KCNH1: variants seen among roughly 807,000 people sequenced by gnomAD.
The protein encoded by KCNH1 is voltage-gated delayed rectifier potassium channel KCNH1.
KCNH1 carries 27 observed loss-of-function variants against 69.2 expected under a neutral mutation model. That is an observed-to-expected ratio of 0.39 (90% CI 0.29 to 0.54). KCNH1 has a LOEUF of 0.54. Among genes scored for constraint, KCNH1 ranks in the 20% least tolerant of loss-of-function variants. KCNH1 has a pLI of 0.68. For synonymous variants in KCNH1, 456 were observed against 487.7 expected (o/e 0.93, Z 0.86); for missense variants, 798 against 1,261.6 (o/e 0.63, Z 5.57).
chr1:211,084,267 C>T (rs539617386), intron 4 of KCNH1, among the ~76,000 whole-genome samples: 2 of 152,266 alleles, frequency 1.3e-5, no homozygotes, highest in South Asian at 2.1e-4. Flanking sequence ...GCAGGCTCTA[C>T]TTCAGCTTAA....
chr1:210,981,940 A>C (rs926190673), intron 6 of KCNH1, among the ~76,000 whole-genome samples: 2 of 152,128 alleles, frequency 1.3e-5, no homozygotes, highest in Admixed American at 6.6e-5. Flanking sequence ...AGTTTGATGC[A>C]TAGGTTGGGG....
intron 7 of KCNH1, among the ~76,000 whole-genome samples, chr1:210,855,323 C>G (rs776772872): frequency 1.3e-5 from 2 of 152,182 alleles, no homozygotes; most frequent in African/African-American, 2.4e-5. Flanking sequence ...ATGAACCCAG[C>G]CTTTCTTAAA....
intron 7 of KCNH1, among the ~76,000 whole-genome samples, chr1:210,914,062 G>A (rs1687289176): frequency 6.6e-6 from 1 of 152,130 alleles, no homozygotes; most frequent in Non-Finnish European, 1.5e-5. Context: ...GAGAAACCTG[G>A]GTCTCTGACA....
chr1:210,739,933 T>C (rs1336850825), intron 10 of KCNH1, among the ~76,000 whole-genome samples: 1 of 152,092 alleles, frequency 6.6e-6, no homozygotes, highest in South Asian at 2.1e-4. Flanking sequence ...GCTGTTGCAT[T>C]ATAGTCTCAG....
chr1:210,758,957 A>G (rs2102347883), intron 10 of KCNH1, among the ~76,000 whole-genome samples: 1 of 152,276 alleles, frequency 6.6e-6, no homozygotes, highest in African/African-American at 2.4e-5. Context: ...AACAAAAATT[A>G]CGTTGCTACA....
intron 10 of KCNH1, among the ~76,000 whole-genome samples, chr1:210,698,323 A>C (rs554985300): frequency 2.3e-3 from 353 of 152,176 alleles, no homozygotes; most frequent in African/African-American, 8.3e-3. Flanking sequence ...GGTACCTCCC[A>C]CAGCTTACCC....
chr1:211,093,080 A>ACCCTC (rs1337294982), intron 3 of KCNH1, among the ~76,000 whole-genome samples: 1 of 151,654 alleles, frequency 6.6e-6, no homozygotes, highest in Non-Finnish European at 1.5e-5. Flanking sequence ...AATCTCCAGA[A>ACCCTC]CCCTCCCCTC....
intron 6 of KCNH1, among the ~76,000 whole-genome samples, chr1:211,011,212 G>A (rs965442669): frequency 1.3e-5 from 2 of 152,100 alleles, no homozygotes; most frequent in African/African-American, 4.8e-5. Context: ...CCACTTATGA[G>A]TGAGAACATG....
intron 6 of KCNH1, among the ~76,000 whole-genome samples, chr1:210,959,551 G>T (rs1688254373): frequency 6.6e-6 from 1 of 152,212 alleles, no homozygotes; most frequent in African/African-American, 2.4e-5. Context: ...AGTAGGCCTT[G>T]TTGAGCTGCA....
chr1:210,701,911 C>T (rs1574192209), intron 10 of KCNH1, among the ~76,000 whole-genome samples: 1 of 152,072 alleles, frequency 6.6e-6, no homozygotes, highest in African/African-American at 2.4e-5. Context: ...GGAGCACATC[C>T]TCTAGTCGTT....
chr1:210,720,030 T>G (rs932377205), intron 10 of KCNH1, among the ~76,000 whole-genome samples: 3 of 152,166 alleles, frequency 2.0e-5, no homozygotes, highest in African/African-American at 7.2e-5. Context: ...TTTCACCCTC[T>G]GAGAACAAGG....
intron 7 of KCNH1, among the ~76,000 whole-genome samples, chr1:210,882,857 A>C (rs2102510910): frequency 6.6e-6 from 1 of 152,272 alleles, no homozygotes; most frequent in East Asian, 1.9e-4. Flanking sequence ...AAAATCTCTA[A>C]ACCTTTTCAG....
At chr1:210,920,818 T>C (rs1043343382) in intron 6 of KCNH1, among the ~76,000 whole-genome samples, 23 of 152,206 alleles carry the variant, frequency 1.5e-4, no homozygotes, top group Admixed American at 3.3e-4. Context: ...CCAGGGATTA[T>C]ATCATCAGAC....
chr1:211,122,970 A>C (rs1691715272), intron 1 of KCNH1, among the ~76,000 whole-genome samples: 1 of 152,216 alleles, frequency 6.6e-6, no homozygotes, highest in Admixed American at 6.5e-5. Flanking sequence ...AAAAAACAGA[A>C]ACATTAAAAA....
intron 6 of KCNH1, among the ~76,000 whole-genome samples, chr1:210,983,464 G>A (rs1688757793): frequency 6.6e-6 from 1 of 152,192 alleles, no homozygotes; most frequent in African/African-American, 2.4e-5. Context: ...GTAAGGAAGG[G>A]ATCCAGTTTC....
At chr1:210,876,116 C>T (rs1686368732) in intron 7 of KCNH1, among the ~76,000 whole-genome samples, 1 of 152,098 alleles carries the variant, frequency 6.6e-6, no homozygotes, top group South Asian at 2.1e-4. Flanking sequence ...TTTCAGAGCA[C>T]TTAAACTTAT....
intron 6 of KCNH1, among the ~76,000 whole-genome samples, chr1:210,959,847 G>A (rs142294528): frequency 0.079 from 12,018 of 152,230 alleles, 675 homozygotes; most frequent in South Asian, 0.19. Context: ...GAAATCCCCC[G>A]ACCCTTTGCA....
chr1:211,110,448 C>T (rs947495349), intron 1 of KCNH1, among the ~76,000 whole-genome samples: 5 of 151,898 alleles, frequency 3.3e-5, no homozygotes, highest in African/African-American at 9.7e-5. Flanking sequence ...ACAACATTAT[C>T]AATAAAGGTA....
At chr1:210,920,112 A>T in intron 6 of KCNH1, 43 bp from the exon 7 acceptor site, 1 of 1,570,220 alleles carries the variant, frequency 6.4e-7, no homozygotes. Context: ...AGAACCAAAG[A>T]TACTACTCTC....
Sources: allele counts gnomAD v4.1 joint callset (sites outside exome capture counted in the v4.1 genomes callset), GRCh38; gene constraint gnomAD v4.1.1; transcripts MANE v1.5; gene names NCBI Gene and HGNC (gene_info 2026-07-23, HGNC 2026-07-21).